The following RP1 variants were observed in gnomAD, a reference collection of about 807,000 sequenced individuals.
The protein encoded by RP1 is RP1 axonemal microtubule associated, also known as oxygen-regulated protein 1.
RP1 carries 16 observed loss-of-function variants against 14.8 expected under a neutral mutation model. The ratio of observed to expected loss-of-function variants is 1.08; its 90% confidence interval spans 0.73 to 1.65. RP1 has a LOEUF of 1.65. RP1 is among the 40% of genes most tolerant of loss of function. RP1 has a pLI of 0.00. For missense variants in RP1, 2,631 were observed against 2,535.0 expected (o/e 1.04, Z -0.81); for synonymous variants, 876 against 883.6 (o/e 0.99, Z 0.15).
At chr8:54,579,141 A>G (rs1489482326) in intron 1 of RP1, among the ~76,000 whole-genome samples, 2 of 152,214 alleles carry the variant, frequency 1.3e-5, no homozygotes, top group East Asian at 3.9e-4. Flanking sequence ...AAGAACTCCA[A>G]TCTAATCACC....
intron 25 of RP1, among the ~76,000 whole-genome samples, chr8:54,844,820 G>C (rs112884101): frequency 0.013 from 1,954 of 152,306 alleles, 51 homozygotes; most frequent in African/African-American, 0.044. Context: ...GCAGATTGAG[G>C]AGATTGAGAA....
chr8:54,670,547 G>A lies in RP1; in HGVS notation c.1324-3303G>A, dbSNP rs1266032672. On this transcript the variant is annotated intron_variant, in intron 7 of 22. Transcript: ENST00000636932. ...TGTATATATATACATATATATGTAT[G>A]TATATGTATATATATACATATATAT... Among the ~76,000 whole-genome samples, 3 of 111,054 alleles carry A rather than the reference G, an allele frequency of 2.7e-5. 1 individual carries two copies. Among genetic ancestry groups the A allele is most frequent in the Non-Finnish European group, 5.6e-5 (3 of 53,702 alleles). 72.9% of individuals were successfully genotyped at this position (111,054 alleles called of 152,430 possible).
intron 24 of RP1, among the ~76,000 whole-genome samples, chr8:54,800,082 T>C (rs1810668421): frequency 6.6e-6 from 1 of 152,134 alleles, no homozygotes; most frequent in Non-Finnish European, 1.5e-5. Flanking sequence ...TTATTTATTC[T>C]TCATTTTTAA....
Position 54,680,036 on chromosome 8 carries a change from A to G in RP1, c.1717+103A>G, listed in dbSNP as rs1807391433. 3.6e-6 allele frequency: 5 copies of G among 1,404,868 alleles called. No individual in the cohort carries two copies. In the South Asian group the frequency reaches 8.2e-5, roughly 23 times the overall value. The allele number at this position is 1,404,868 out of a possible 1,614,324, so 87.0% of individuals were successfully genotyped here. A position where few individuals can be genotyped will look rare whatever the true frequency, so the allele number is the denominator to read the frequency against. On this transcript the variant is annotated intron_variant, in intron 12 of 22. Coordinates refer to the RP1 transcript ENST00000636932. The stretch of plus-strand genomic sequence containing the variant: ...ATTTATAGTTTTGTTCTTTTTACAG[A>G]TGGCTTTACACAAGTGTTAGGCCAT...
downstream of RP1, chr8:54,770,013 A>G (rs1180657728): frequency 2.0e-6 from 1 of 497,120 alleles, no homozygotes; most frequent in Admixed American, 3.8e-5. Context: ...TTAAAAATCA[A>G]CTTAAGGATT....
At chr8:54,696,692 G>A in intron 12 of RP1, 1 of 720,584 alleles carries the variant, frequency 1.4e-6, no homozygotes, top group Non-Finnish European at 2.4e-6. Flanking sequence ...GATTGATGGT[G>A]TGATTTTACT....
intron 27 of RP1, among the ~76,000 whole-genome samples, chr8:54,863,461 A>G (rs760293777): frequency 1.6e-4 from 25 of 152,212 alleles, no homozygotes; most frequent in Admixed American, 1.3e-4. Flanking sequence ...ACTACAGTTT[A>G]TACATCCACA....
chr8:54,770,995 C>T (rs1809885035), downstream of RP1, among the ~76,000 whole-genome samples: 1 of 151,970 alleles, frequency 6.6e-6, no homozygotes, highest in Non-Finnish European at 1.5e-5. Context: ...GTACTTTCTA[C>T]AGTGGTTTGA....
intron 12 of RP1, among the ~76,000 whole-genome samples, chr8:54,692,712 T>C (rs1440282220): frequency 6.7e-6 from 1 of 148,372 alleles, no homozygotes; most frequent in East Asian, 2.0e-4. Context: ...AGATTCTGGA[T>C]ATTAGCCCTT....
intron 2 of RP1, 114 bp downstream of exon 2, chr8:54,621,695 C>T: frequency 1.4e-6 from 2 of 1,474,814 alleles, no homozygotes; most frequent in Non-Finnish European, 1.9e-6. Flanking sequence ...TCCTCCCTGC[C>T]TGTGTATGTG....
At chr8:54,743,648 T>A (rs1015304884) in intron 19 of RP1, among the ~76,000 whole-genome samples, 1 of 152,190 alleles carries the variant, frequency 6.6e-6, no homozygotes, top group African/African-American at 2.4e-5. Flanking sequence ...CATGTCACTG[T>A]CCGTTCTACG....
intron 28 of RP1, among the ~76,000 whole-genome samples, chr8:54,869,164 A>C (rs561001489): frequency 6.8e-4 from 103 of 152,268 alleles, no homozygotes; most frequent in African/African-American, 2.3e-3. Flanking sequence ...GCCTGAATAT[A>C]TTAATAATTG....
downstream of RP1, among the ~76,000 whole-genome samples, chr8:54,774,871 AG>A (rs1240552708): frequency 6.6e-6 from 1 of 152,322 alleles, no homozygotes; most frequent in Non-Finnish European, 1.5e-5. Flanking sequence ...AAAGCATAGA[AG>A]GGTTTGGGGT....
intron 12 of RP1, among the ~76,000 whole-genome samples, chr8:54,688,073 C>CT (rs1157293269): frequency 6.6e-6 from 1 of 152,300 alleles, no homozygotes; most frequent in Non-Finnish European, 1.5e-5. Context: ...TGATGATTAG[C>CT]TTTTTTTCAC....
At position 54,788,156 on chromosome 8, in the gene RP1, G is replaced by A. The variant is rs1414134334; in HGVS notation, c.3615+4446G>A. Reference sequence around the variant, plus strand: ...AAGGCAGGAAGGCAGCTTGGCAGATGGCTGGTGGGTGGCTATTTCTGGCAT... The same window carrying A: ...AAGGCAGGAAGGCAGCTTGGCAGATAGCTGGTGGGTGGCTATTTCTGGCAT... On this transcript the variant is annotated intron_variant, in intron 24 of 28. Transcript: ENST00000637698. Among the ~76,000 whole-genome samples, 5 of 152,186 alleles carry A rather than the reference G, an allele frequency of 3.3e-5. No homozygotes were observed. In the East Asian group the frequency reaches 9.6e-4, roughly 29 times the overall value.
chr8:54,606,688 C>T (rs866742731), intron 1 of RP1, among the ~76,000 whole-genome samples: 3 of 152,190 alleles, frequency 2.0e-5, no homozygotes, highest in Admixed American at 6.5e-5. Flanking sequence ...ACCAATCAGA[C>T]GTAGATTTGG....
chr8:54,766,039 C>T lies in RP1; in HGVS notation c.3249-3702C>T, dbSNP rs147044365. On this transcript the variant is annotated intron_variant, in intron 22 of 22. Coordinates refer to the RP1 transcript ENST00000636932. ...AAGGAAGGAGGGAGGGGGGTAAGGA[C>T]GATGGATGGAAAACACAGTGGAATC... 2.8e-3 allele frequency among the ~76,000 whole-genome samples: 423 copies of T among 152,048 alleles called. 2 individuals are homozygous for T. The highest frequency in any genetic ancestry group is 3.6e-3 in the Non-Finnish European group (245 of 67,968).
At chr8:54,606,721 T>A (rs992098434) in intron 1 of RP1, among the ~76,000 whole-genome samples, 32 of 152,212 alleles carry the variant, frequency 2.1e-4, no homozygotes, top group African/African-American at 7.7e-4. Context: ...GTCCCATATT[T>A]CTTGGAGGCT....
intron 1 of RP1, among the ~76,000 whole-genome samples, chr8:54,601,432 G>A (rs992704587): frequency 6.8e-6 from 1 of 147,690 alleles, no homozygotes; most frequent in Non-Finnish European, 1.5e-5. Flanking sequence ...TGGGGTTGGG[G>A]GAGGGGGGAG....
Sources: allele counts gnomAD v4.1 joint callset (sites outside exome capture counted in the v4.1 genomes callset), GRCh38; gene constraint gnomAD v4.1.1; transcripts MANE v1.5; gene names NCBI Gene and HGNC (gene_info 2026-07-23, HGNC 2026-07-21).